Variants in FGD3 observed in about 807,000 individuals in gnomAD.
The protein encoded by FGD3 is FYVE, RhoGEF and PH domain containing 3, also known as FYVE, RhoGEF and PH domain-containing protein 3.
In FGD3, 45 loss-of-function variants were observed where a neutral mutation model predicts 71.8. The ratio of observed to expected loss-of-function variants is 0.63; its 90% CI spans 0.49 to 0.80. FGD3 has a LOEUF of 0.80. Among genes scored for constraint, FGD3 ranks in the 30% least tolerant of loss-of-function variants. The pLI is 0.00. For missense variants in FGD3, 844 were observed against 951.5 expected (o/e 0.89, Z 1.49); for synonymous variants, 378 against 392.8 (o/e 0.96, Z 0.44).
At chr9:92,973,724 C>G (rs1859620277) in intron 1 of FGD3, among the ~76,000 whole-genome samples, 1 of 152,144 alleles carries the variant, frequency 6.6e-6, no homozygotes, top group African/African-American at 2.4e-5. Context: ...GTGAAAGCTC[C>G]CTGTGGTCCT....
At chr9:92,953,443 CA>C (rs771454205) in intron 1 of FGD3, among the ~76,000 whole-genome samples, 7 of 152,204 alleles carry the variant, frequency 4.6e-5, no homozygotes, top group Non-Finnish European at 1.0e-4. Context: ...CCACTTTGGC[CA>C]AGATGACTAA....
At chr9:93,013,820 C>A (rs1357740254) in intron 8 of FGD3, 32 bp from the exon 9 acceptor site, 2 of 1,611,152 alleles carry the variant, frequency 1.2e-6, no homozygotes, top group East Asian at 4.5e-5. Flanking sequence ...CTCTCACAGA[C>A]CTTTGGTGCC....
intron 14 of FGD3, among the ~76,000 whole-genome samples, chr9:93,022,873 C>T (rs1861977565): frequency 6.6e-6 from 1 of 152,168 alleles, no homozygotes; most frequent in Non-Finnish European, 1.5e-5. Flanking sequence ...TGCCTCTCCC[C>T]GTCTGTGTTC....
intron 14 of FGD3, among the ~76,000 whole-genome samples, chr9:93,025,106 C>T (rs544244657): frequency 7.1e-4 from 108 of 152,320 alleles, no homozygotes; most frequent in Non-Finnish European, 1.0e-3. Flanking sequence ...CCAGCAGACC[C>T]GCTGTGCCTC....
intron 1 of FGD3, among the ~76,000 whole-genome samples, chr9:92,956,049 A>G (rs1859045334): frequency 6.6e-6 from 1 of 152,176 alleles, no homozygotes; most frequent in Admixed American, 6.5e-5. Context: ...AGTATATACA[A>G]ATTAAAGTGA....
intron 9 of FGD3, among the ~76,000 whole-genome samples, chr9:93,015,313 G>A (rs1281234288): frequency 6.6e-6 from 1 of 152,044 alleles, no homozygotes; most frequent in African/African-American, 2.4e-5. Context: ...AAAATTAGCT[G>A]GGCGTGGTAG....
At chr9:93,012,122 C>G (rs1261975773) in intron 8 of FGD3, among the ~76,000 whole-genome samples, 2 of 149,500 alleles carry the variant, frequency 1.3e-5, no homozygotes, top group East Asian at 3.9e-4. Flanking sequence ...CCACTGCACT[C>G]CAGCCTGGGC....
At chr9:92,971,469 G>A (rs777564883) in intron 1 of FGD3, among the ~76,000 whole-genome samples, 7 of 151,220 alleles carry the variant, frequency 4.6e-5, no homozygotes, top group Non-Finnish European at 8.8e-5. Context: ...CCCTTCTGTG[G>A]TAAGGAAAAT....
chr9:92,976,302 G>A lies in FGD3; in HGVS notation c.46G>A (p.Ala16Thr), dbSNP rs1479766919. The change falls in exon 3 of 18, where the codon GCC (alanine) becomes ACC (threonine). Residue 16 changes from alanine to threonine, a missense_variant. Physicochemically the swap from Ala to Thr is moderately conservative, Grantham distance 58 (BLOSUM62 0). Coordinates refer to ENST00000375482, the MANE Select transcript of FGD3 (RefSeq NM_001083536.2). The stretch of plus-strand genomic sequence containing the variant: ...CTCAACCCCTCCAGGACCCATTGCT[G>A]CCCTAGGGATGCCAGACACTGGGCC... The part of the protein sequence containing the change: ...GSSTPPGPIA[A>T]LGMPDTGPGS... 3.7e-5 allele frequency: 59 copies of A among 1,609,964 alleles called. No individual in the cohort carries two copies. The highest frequency in any genetic ancestry group is 4.9e-5 in the Non-Finnish European group (58 of 1,177,984).
chr9:93,003,009 G>C lies in FGD3; in HGVS notation c.538G>C (p.Asp180His). The C allele has an allele frequency of 6.2e-7, 1 of 1,614,172 alleles. No homozygotes were observed. Among genetic ancestry groups the C allele is most frequent in the African/African-American group, 1.3e-5 (1 of 75,060 alleles). The change falls in exon 4 of 18, where the codon GAC becomes CAC. Residue 180 changes from aspartate to histidine, a missense_variant. Asp to His is a moderately conservative substitution (Grantham distance 81). Coordinates refer to ENST00000375482, the MANE Select transcript of FGD3 (RefSeq NM_001083536.2). This position sits in a 1 kb window ranked among gnomAD's most constrained non-coding sequence, Gnocchi z 4.1. Reference protein sequence around the residue: ...ETYVKRLHLLDQVFCTRLTDA... With the variant: ...ETYVKRLHLLHQVFCTRLTDA... Reference sequence around the variant, plus strand: ...CTATGTGAAGCGGCTGCACCTGCTGGACCAGGTAGCCCACATGGCTTGGGG... The same window carrying C: ...CTATGTGAAGCGGCTGCACCTGCTGCACCAGGTAGCCCACATGGCTTGGGG...
At position 93,020,315 on chromosome 9, in the gene FGD3, A is replaced by G. The variant is rs1211957909; in HGVS notation, c.1387-2A>G. 1 of 1,610,044 alleles carries G rather than the reference A, an allele frequency of 6.2e-7. No homozygotes were observed. Among genetic ancestry groups the G allele is most frequent in the Non-Finnish European group, 8.5e-7 (1 of 1,178,184 alleles). On this transcript the variant is annotated splice_acceptor_variant, in intron 12 of 17. Coordinates refer to ENST00000375482, the MANE Select transcript of FGD3 (RefSeq NM_001083536.2). LOFTEE classifies it high-confidence loss of function. ...TCCTCACTGTTGTGTTGCTGTGTCC[A>G]GATCATCCAGGCCACCATCGAGAAG...
At chr9:92,996,706 C>T (rs1466658285) in intron 3 of FGD3, among the ~76,000 whole-genome samples, 10 of 152,180 alleles carry the variant, frequency 6.6e-5, no homozygotes, top group African/African-American at 2.2e-4. Context: ...CAAAGAACAT[C>T]TTTATTTCTT....
chr9:92,950,627 G>T (rs1227859293), intron 1 of FGD3, among the ~76,000 whole-genome samples: 1 of 152,148 alleles, frequency 6.6e-6, no homozygotes, highest in Non-Finnish European at 1.5e-5. Context: ...CTGACTGATG[G>T]TGGGGAAAGA....
intron 6 of FGD3, 43 bp from the exon 7 acceptor site, chr9:93,010,203 A>G: frequency 6.4e-7 from 1 of 1,559,222 alleles, no homozygotes; most frequent in Non-Finnish European, 8.7e-7. Flanking sequence ...TGGCATCCAC[A>G]CACGTGTCCT....
At chr9:92,972,690 A>T (rs79925016) in intron 1 of FGD3, among the ~76,000 whole-genome samples, 12 of 36,118 alleles carry the variant, frequency 3.3e-4, no homozygotes, top group African/African-American at 9.0e-4. Context: ...TTCCTCAAAT[A>T]TTTTTTTTGT....
At chr9:93,014,523 GT>G (rs34867489) in intron 9 of FGD3, among the ~76,000 whole-genome samples, 17 of 151,178 alleles carry the variant, frequency 1.1e-4, no homozygotes, top group African/African-American at 3.9e-4. Flanking sequence ...TCTTTGAAAG[GT>G]TTTTTTTTAA....
chr9:92,957,643 C>T (rs569195602), intron 1 of FGD3, among the ~76,000 whole-genome samples: 1 of 150,108 alleles, frequency 6.7e-6, no homozygotes, highest in African/African-American at 2.4e-5. Flanking sequence ...AATGTTTTCT[C>T]CCAATCTGTG....
chr9:93,022,283 T>C (rs776766318), intron 13 of FGD3, 44 bp from the exon 14 acceptor site: 1 of 1,585,548 alleles, frequency 6.3e-7, no homozygotes. Context: ...AGTGGCTGCG[T>C]GGCCCTGGAA....
In FGD3 at chr9:93,017,129, A is replaced by G. The variant is rs143303848; in HGVS notation, c.1276-1007A>G. Among the ~76,000 whole-genome samples the G allele has an allele frequency of 2.7e-3, 412 of 151,856 alleles. 1 individual carries two copies. The highest frequency in any genetic ancestry group is 4.7e-3 in the Non-Finnish European group (322 of 67,940). ...ATAAAAAATAAAAAATTAGCCAGGCATGGTGGCGCACATCTCTATTCCCAG... is the reference window on the plus strand; with the variant it reads ...ATAAAAAATAAAAAATTAGCCAGGCGTGGTGGCGCACATCTCTATTCCCAG... On this transcript the variant is annotated intron_variant, in intron 10 of 17. Transcript: ENST00000375482.
Sources: allele counts gnomAD v4.1 joint callset (sites outside exome capture counted in the v4.1 genomes callset), GRCh38; gene constraint gnomAD v4.1.1; non-coding constraint Gnocchi (gnomAD v3.1); transcripts MANE v1.5; gene names NCBI Gene and HGNC (gene_info 2026-07-23, HGNC 2026-07-21).